LRFN5: variants seen among roughly 807,000 people sequenced by gnomAD.
The protein encoded by LRFN5 is leucine-rich repeat and fibronectin type-III domain-containing protein 5.
A neutral mutation model predicts 45.6 loss-of-function variants in LRFN5; 24 were observed. That is an observed-to-expected ratio of 0.53 (90% CI 0.38 to 0.74). LRFN5 has a LOEUF of 0.74. LRFN5 is among the 30% of genes least tolerant of loss of function. LRFN5 has a pLI of 0.00. For synonymous variants in LRFN5, 340 were observed against 313.8 expected (o/e 1.08, Z -0.88); for missense variants, 776 against 861.5 (o/e 0.90, Z 1.24).
chr14:41,769,559 C>T (rs999577541), intron 2 of LRFN5, among the ~76,000 whole-genome samples: 6 of 151,686 alleles, frequency 4.0e-5, no homozygotes, highest in East Asian at 3.9e-4. Flanking sequence ...TATATGTGTA[C>T]GTATATGTAA....
chr14:41,851,196 T>G (rs1889253073), intron 2 of LRFN5, among the ~76,000 whole-genome samples: 2 of 151,790 alleles, frequency 1.3e-5, no homozygotes, highest in African/African-American at 4.8e-5. Context: ...GTAATTAAAC[T>G]GTGGAAATTG....
rs1185599048 is a variant in LRFN5, at chr14:41,650,264, C to CA, written c.-197+41703dup. ...ACACACACACACACACACACACACA[C>CA]ACAAAAAAAAAAAAGATACTTGCAA... On this transcript the variant is annotated intron_variant, in intron 1 of 5. Transcript: ENST00000298119. Among the ~76,000 whole-genome samples, 28 of 130,474 alleles carry CA rather than the reference C, an allele frequency of 2.1e-4. 1 individual carries two copies. The highest frequency in any genetic ancestry group is 3.7e-3 in the Middle Eastern group (1 of 270). 85.6% of individuals were successfully genotyped at this position (130,474 alleles called of 152,430 possible).
At chr14:41,796,886 A>T (rs1410214308) in intron 2 of LRFN5, among the ~76,000 whole-genome samples, 1 of 151,982 alleles carries the variant, frequency 6.6e-6, no homozygotes, top group African/African-American at 2.4e-5. Context: ...TCAATCATTA[A>T]AGGTTTTAAA....
intron 4 of LRFN5, 137 bp from the exon 5 acceptor site, chr14:41,898,780 T>C: frequency 1.2e-6 from 1 of 800,562 alleles, no homozygotes; most frequent in Non-Finnish European, 1.9e-6. Context: ...AACTGGTAAG[T>C]TTTTTAAAAA....
intron 5 of LRFN5, among the ~76,000 whole-genome samples, chr14:41,900,450 C>G (rs905344389): frequency 6.6e-6 from 1 of 151,834 alleles, no homozygotes; most frequent in Admixed American, 6.6e-5. Context: ...AAATGTGATA[C>G]ATATATAAGG....
At chr14:41,749,514 C>T (rs986226628) in intron 1 of LRFN5, among the ~76,000 whole-genome samples, 5 of 152,026 alleles carry the variant, frequency 3.3e-5, no homozygotes, top group African/African-American at 7.2e-5. Flanking sequence ...ATGTCTTTTG[C>T]GGGAACATGG....
intron 2 of LRFN5, among the ~76,000 whole-genome samples, chr14:41,858,130 A>G (rs1889535741): frequency 6.6e-6 from 1 of 152,182 alleles, no homozygotes; most frequent in African/African-American, 2.4e-5. Context: ...AGCCAGCTGT[A>G]GGAAGAACAA....
intron 1 of LRFN5, among the ~76,000 whole-genome samples, chr14:41,679,354 T>A (rs1426437604): frequency 6.6e-6 from 1 of 151,944 alleles, no homozygotes; most frequent in Non-Finnish European, 1.5e-5. Context: ...ACTCCTTCAT[T>A]CTGCTTGAGG....
chr14:41,839,082 A>T (rs1049941439), intron 2 of LRFN5, among the ~76,000 whole-genome samples: 4 of 152,120 alleles, frequency 2.6e-5, no homozygotes, highest in Non-Finnish European at 4.4e-5. Flanking sequence ...TGGTAGCCTG[A>T]GATAGTGTAT....
intron 2 of LRFN5, among the ~76,000 whole-genome samples, chr14:41,820,533 G>C (rs539861752): frequency 6.6e-6 from 1 of 152,108 alleles, no homozygotes; most frequent in East Asian, 1.9e-4. Flanking sequence ...ATAATTTGAA[G>C]TTAGGTAACA....
chr14:41,875,691 T>A (rs1890162098), intron 2 of LRFN5, among the ~76,000 whole-genome samples: 1 of 152,220 alleles, frequency 6.6e-6, no homozygotes, highest in Non-Finnish European at 1.5e-5. Context: ...AATGAATGAC[T>A]ATAGTTAAGT....
chr14:41,778,975 A>T (rs548150071), intron 2 of LRFN5, among the ~76,000 whole-genome samples: 3 of 151,876 alleles, frequency 2.0e-5, no homozygotes, highest in Admixed American at 6.6e-5. Flanking sequence ...TGTCTTCTTG[A>T]TCTGTGCAAC....
At chr14:41,622,358 T>G (rs1203034878) in intron 1 of LRFN5, among the ~76,000 whole-genome samples, 1 of 152,094 alleles carries the variant, frequency 6.6e-6, no homozygotes, top group Non-Finnish European at 1.5e-5. Context: ...CTGGATCTAA[T>G]AGAATTTTAC....
chr14:41,772,118 A>AG (rs1382812317), intron 2 of LRFN5, among the ~76,000 whole-genome samples: 1 of 152,052 alleles, frequency 6.6e-6, no homozygotes, highest in Non-Finnish European at 1.5e-5. Flanking sequence ...CAAGAGAGCG[A>AG]GGGGGGAGAT....
At chr14:41,809,836 T>G (rs862538) in intron 2 of LRFN5, among the ~76,000 whole-genome samples, 55,196 of 151,652 alleles carry the variant, frequency 0.36, 10,824 homozygotes, top group East Asian at 0.69. Context: ...CTAAAAATAC[T>G]GTACACTCCT....
chr14:41,897,104 A>G (rs1046876196), intron 4 of LRFN5, among the ~76,000 whole-genome samples: 9 of 148,596 alleles, frequency 6.1e-5, no homozygotes, highest in African/African-American at 2.2e-4. Context: ...AAATAAATAA[A>G]TAAATAAATA....
chr14:41,867,743 T>G (rs2139111446), intron 2 of LRFN5, among the ~76,000 whole-genome samples: 1 of 152,236 alleles, frequency 6.6e-6, no homozygotes, highest in Non-Finnish European at 1.5e-5. Flanking sequence ...TCATTCAGAC[T>G]TTTTATTTTT....
chr14:41,739,947 G>GA (rs1213982705), intron 1 of LRFN5, among the ~76,000 whole-genome samples: 2 of 145,740 alleles, frequency 1.4e-5, no homozygotes, highest in Non-Finnish European at 3.1e-5. Context: ...GAATAACACA[G>GA]AAAAAATAAA....
chr14:41,679,869 G>A (rs533264744), intron 1 of LRFN5, among the ~76,000 whole-genome samples: 1 of 152,296 alleles, frequency 6.6e-6, no homozygotes, highest in East Asian at 1.9e-4. Flanking sequence ...CCCTGGGACA[G>A]AGGGGAGACC....
Sources: gnomAD v4.1 joint callset for allele counts (sites outside exome capture counted in the v4.1 genomes callset) on GRCh38, gnomAD v4.1.1 for gene constraint, MANE v1.5 for transcripts, NCBI Gene and HGNC (gene_info 2026-07-23, HGNC 2026-07-21) for gene names.